ODR4: variants seen among roughly 807,000 people sequenced by gnomAD.
ODR4 encodes protein odr-4 homolog.
Under a neutral mutation model 60.2 loss-of-function variants are expected in ODR4, and 47 were observed. The ratio of observed to expected loss-of-function variants is 0.78; its 90% confidence interval spans 0.62 to 1.00. The LOEUF (loss-of-function observed/expected upper bound fraction) is 1.00. ODR4 is among the 50% of genes least tolerant of loss of function. The pLI, the probability that ODR4 is intolerant of heterozygous loss-of-function variation, is 0.00. For missense variants in ODR4, 488 were observed against 530.8 expected (o/e 0.92, Z 0.79); for synonymous variants, 178 against 175.5 (o/e 1.01, Z -0.11).
chr1:186,379,176 G>T (rs1430411503), intron 1 of ODR4, among the ~76,000 whole-genome samples: 2 of 151,740 alleles, frequency 1.3e-5, no homozygotes, highest in East Asian at 1.9e-4. Flanking sequence ...GGGCATGGTG[G>T]CTCACGCCTG....
intron 11 of ODR4, among the ~76,000 whole-genome samples, chr1:186,399,990 C>CTTTTTTTTTTTTTTTTT (rs948511178): frequency 6.2e-5 from 7 of 112,072 alleles, no homozygotes; most frequent in African/African-American, 1.4e-4. Context: ...TTTTTTTTTT[C>CTTTTTTTTTTTTTTTTT]TTTTTTTTTT....
intron 11 of ODR4, among the ~76,000 whole-genome samples, chr1:186,404,045 C>G (rs72713770): frequency 0.013 from 1,971 of 152,282 alleles, 16 homozygotes; most frequent in Non-Finnish European, 0.022. Context: ...ATGAAAAATA[C>G]ATAAATAACT....
At chr1:186,427,969 A>G in the ODR4 span, among the ~76,000 whole-genome samples, 1 of 152,232 alleles carries the variant, frequency 6.6e-6, no homozygotes, top group Non-Finnish European at 1.5e-5. Flanking sequence ...ACGTGCTGTC[A>G]TCCAAGCTTT....
At chr1:186,418,451 C>T (rs1417515624) in intron 13 of ODR4, among the ~76,000 whole-genome samples, 5 of 151,886 alleles carry the variant, frequency 3.3e-5, no homozygotes, top group Non-Finnish European at 7.4e-5. Context: ...CCACCGCGCC[C>T]GGCTAATTTT....
At chr1:186,406,738 G>A (rs1395275537) in intron 12 of ODR4, among the ~76,000 whole-genome samples, 3 of 151,714 alleles carry the variant, frequency 2.0e-5, no homozygotes, top group African/African-American at 7.3e-5. Flanking sequence ...GCCAAAATGG[G>A]CAGTTCCAGA....
At chr1:186,400,790 A>G in intron 11 of ODR4, 1 of 340,708 alleles carries the variant, frequency 2.9e-6, no homozygotes, top group South Asian at 3.3e-5. Flanking sequence ...CTAAAGTTCC[A>G]TTTACTAATA....
In ODR4 at chr1:186,389,843, A is replaced by G. The variant is rs375708786; in HGVS notation, c.474+219A>G. Among the ~76,000 whole-genome samples the G allele has an allele frequency of 6.8e-4, 104 of 152,322 alleles. 1 individual carries two copies. The highest frequency in any genetic ancestry group is 2.5e-3 in the African/African-American group (104 of 41,572). ...CACTCTCTTGCCCAAGCTAGAGTGC[A>G]GTGATGCAGTCATAGCTCACTGCAG... On this transcript the variant is annotated intron_variant, in intron 6 of 13. Transcript: ENST00000287859.
the ODR4 span, among the ~76,000 whole-genome samples, chr1:186,432,931 G>A: frequency 4.0e-5 from 6 of 151,710 alleles, no homozygotes; most frequent in Admixed American, 2.0e-4. Flanking sequence ...GACTACAGGC[G>A]CATGGCAACA....
At chr1:186,395,497 A>C (rs1660637727) in intron 9 of ODR4, among the ~76,000 whole-genome samples, 1 of 152,180 alleles carries the variant, frequency 6.6e-6, no homozygotes, top group African/African-American at 2.4e-5. Flanking sequence ...AGTAGTCAGT[A>C]AGTATTTATT....
chr1:186,383,970 C>T (rs1571662595), intron 3 of ODR4, among the ~76,000 whole-genome samples: 1 of 151,958 alleles, frequency 6.6e-6, no homozygotes, highest in Non-Finnish European at 1.5e-5. Flanking sequence ...ACCTGGGAGG[C>T]GGAGGTTGCA....
chr1:186,434,151 A>ATTATC, the ODR4 span, among the ~76,000 whole-genome samples: 1 of 151,964 alleles, frequency 6.6e-6, no homozygotes, highest in Non-Finnish European at 1.5e-5. Flanking sequence ...TGTAAGTAAT[A>ATTATC]TTATGTATAT....
intron 12 of ODR4, among the ~76,000 whole-genome samples, chr1:186,411,361 T>C (rs1661376702): frequency 6.6e-6 from 1 of 152,222 alleles, no homozygotes; most frequent in African/African-American, 2.4e-5. Flanking sequence ...GTTTTATAAA[T>C]TGATGCTCTG....
chr1:186,376,922 A>G (rs201353305), intron 1 of ODR4, among the ~76,000 whole-genome samples: 4 of 152,330 alleles, frequency 2.6e-5, no homozygotes, highest in African/African-American at 9.6e-5. Flanking sequence ...TGTCAGTCAC[A>G]GTGCTTGGAC....
At chr1:186,399,497 C>T (rs1181947126) in intron 11 of ODR4, among the ~76,000 whole-genome samples, 1 of 150,370 alleles carries the variant, frequency 6.7e-6, no homozygotes, top group African/African-American at 2.5e-5. Context: ...GTGTGAGCCA[C>T]CATGCTTGGC....
rs115949304 is a variant in ODR4, at chr1:186,415,314, G to A, written c.1187-2230G>A. On this transcript the variant is annotated intron_variant, in intron 12 of 13. Transcript: ENST00000287859. Reference sequence around the variant, plus strand: ...TTTAGTATCATATATACCTATTTCAGTAAGTTTATATGTCATTCTTTTGAG... The same window carrying A: ...TTTAGTATCATATATACCTATTTCAATAAGTTTATATGTCATTCTTTTGAG... Among the ~76,000 whole-genome samples, 893 of 152,124 alleles carry A rather than the reference G, an allele frequency of 5.9e-3. 8 individuals carry two copies. The highest frequency in any genetic ancestry group is 0.021 in the African/African-American group (863 of 41,498).
chr1:186,393,915 A>G, intron 8 of ODR4, 32 bp from the exon 9 acceptor site: 1 of 1,176,384 alleles, frequency 8.5e-7, no homozygotes, highest in Admixed American at 2.1e-5. Flanking sequence ...CAGGCTTCAC[A>G]GTTTGGCTTT....
intron 7 of ODR4, among the ~76,000 whole-genome samples, chr1:186,391,268 C>T (rs529838133): frequency 5.7e-4 from 86 of 150,804 alleles, no homozygotes; most frequent in African/African-American, 2.0e-3. Context: ...TTTTCCAGTT[C>T]TTTTTTGTAT....
chr1:186,407,068 A>G (rs1379481335), intron 12 of ODR4, among the ~76,000 whole-genome samples: 1 of 152,068 alleles, frequency 6.6e-6, no homozygotes, highest in Non-Finnish European at 1.5e-5. Flanking sequence ...ATCTATAGTA[A>G]ACTGCCTCAA....
chr1:186,427,296 T>C, the ODR4 span, among the ~76,000 whole-genome samples: 1 of 152,212 alleles, frequency 6.6e-6, no homozygotes, highest in Non-Finnish European at 1.5e-5. Flanking sequence ...CTATGGCTTC[T>C]TTTTCAACTA....
Sources: gnomAD v4.1 joint callset for allele counts (sites outside exome capture counted in the v4.1 genomes callset) on GRCh38, gnomAD v4.1.1 for gene constraint, MANE v1.5 for transcripts, NCBI Gene and HGNC (gene_info 2026-07-23, HGNC 2026-07-21) for gene names.